The following MCM3AP variants were observed in gnomAD, a reference collection of about 807,000 sequenced individuals.
MCM3AP encodes germinal-center associated nuclear protein.
Under a neutral mutation model 184.1 loss-of-function variants are expected in MCM3AP, and 126 were observed. The observed-to-expected ratio is 0.68, with a 90% CI of 0.59 to 0.79. The LOEUF (loss-of-function observed/expected upper bound fraction) is 0.79. Ranked by LOEUF, MCM3AP falls within the 30% of genes least tolerant of loss-of-function variation. The probability of loss-of-function intolerance (pLI) is 0.00; values close to 1 mark genes in which losing one functional copy is unlikely to be tolerated. For missense variants in MCM3AP, 2,496 were observed against 2,479.2 expected (o/e 1.01, Z -0.14); for synonymous variants, 1,002 against 979.3 (o/e 1.02, Z -0.43).
At chr21:46,266,886 T>C in intron 10 of MCM3AP, 96 bp downstream of exon 10, 2 of 1,366,662 alleles carry the variant, frequency 1.5e-6, no homozygotes, top group Admixed American at 4.3e-5. Context: ...TGCACCTTCT[T>C]CAAGTCAGGC....
intron 6 of MCM3AP, among the ~76,000 whole-genome samples, chr21:46,274,644 GAA>G (rs978519795): frequency 2.0e-4 from 30 of 152,150 alleles, no homozygotes; most frequent in Non-Finnish European, 7.4e-5. Flanking sequence ...ATCGTAAAAA[GAA>G]AAAAGTTAGC....
At chr21:46,274,700 C>T (rs941291599) in intron 6 of MCM3AP, among the ~76,000 whole-genome samples, 2 of 151,934 alleles carry the variant, frequency 1.3e-5, no homozygotes, top group Admixed American at 6.6e-5. Context: ...CTTTGGGAGG[C>T]GGAGGTGGGC....
chr21:46,277,464 C>G, intron 5 of MCM3AP, 63 bp downstream of exon 5: 1 of 1,372,572 alleles, frequency 7.3e-7, no homozygotes, highest in East Asian at 2.5e-5. Context: ...TGCTCCTGCC[C>G]TGATGGCACC....
In MCM3AP at chr21:46,246,901, AG is replaced by A; in HGVS notation, c.4291-16del. On this transcript the variant is annotated splice_polypyrimidine_tract_variant and intron_variant, in intron 20 of 27. Coordinates refer to ENST00000291688, the MANE Select transcript of MCM3AP (RefSeq NM_003906.5). ...CCATGGGCCACCTGCAACAGCATCA[AG>A]ATCATCAGGAGAGATGCACCATGGG... 1 of 1,612,596 alleles carries A rather than the reference AG, an allele frequency of 6.2e-7. No homozygotes were observed. Among genetic ancestry groups the A allele is most frequent in the Non-Finnish European group, 8.5e-7 (1 of 1,178,832 alleles).
chr21:46,259,373 G>A (rs186880345), intron 15 of MCM3AP: 10 of 239,328 alleles, frequency 4.2e-5, no homozygotes, highest in Admixed American at 5.6e-5. Flanking sequence ...GGAGAATGAC[G>A]TGAAGCCGGG....
chr21:46,277,636 C>T lies in MCM3AP; in HGVS notation c.1749G>A (p.Glu583=). ...GGGAGAGCACACATGGCCCGAGGCC[C>T]TCGGAGCCCTCGGAGGCTGAGTCAA... The part of the protein sequence containing the change: ...DSFDSASEGS[E]GLGPCVLSLS... The change falls in exon 5 of 28, where the codon GAG becomes GAA. Residue 583 remains glutamate (E), a synonymous_variant. Coordinates refer to ENST00000291688, the MANE Select transcript of MCM3AP (RefSeq NM_003906.5). 2 of 1,611,770 alleles carry T rather than the reference C, an allele frequency of 1.2e-6. No individual in the cohort carries two copies. Among genetic ancestry groups the T allele is most frequent in the South Asian group, 2.2e-5 (2 of 90,704 alleles).
intron 23 of MCM3AP, chr21:46,244,464 G>C: frequency 3.1e-6 from 1 of 319,644 alleles, no homozygotes; most frequent in Non-Finnish European, 5.8e-6. Flanking sequence ...CCCCTTGTCT[G>C]TTCTGAAAAC....
At chr21:46,276,241 A>G (rs1049409082) in intron 5 of MCM3AP, among the ~76,000 whole-genome samples, 6 of 151,986 alleles carry the variant, frequency 3.9e-5, no homozygotes, top group Non-Finnish European at 5.9e-5. Context: ...ACCATGGGTA[A>G]CAGAGCAAGA....
At chr21:46,273,010 A>C (rs1313507508) in intron 7 of MCM3AP, among the ~76,000 whole-genome samples, 181 bp from the exon 8 acceptor site, 4 of 149,626 alleles carry the variant, frequency 2.7e-5, no homozygotes, top group Non-Finnish European at 5.9e-5. Flanking sequence ...TTTTTTTTTG[A>C]GACAGAAGCC....
intron 21 of MCM3AP, 106 bp downstream of exon 21, chr21:46,246,522 G>T: frequency 6.7e-7 from 1 of 1,499,638 alleles, no homozygotes; most frequent in Non-Finnish European, 9.3e-7. Flanking sequence ...AGGGGTTGCT[G>T]TCTCAGTGAT....
At chr21:46,244,051 A>T (rs2080722415) in intron 23 of MCM3AP, among the ~76,000 whole-genome samples, 2 of 152,214 alleles carry the variant, frequency 1.3e-5, no homozygotes, top group Admixed American at 6.5e-5. Context: ...GGGGAACCCC[A>T]ACCTAACCAG....
intron 24 of MCM3AP, 168 bp from the exon 25 acceptor site, chr21:46,243,099 GTCACACAATTAT>G: frequency 1.5e-6 from 1 of 650,692 alleles, no homozygotes; most frequent in Non-Finnish European, 2.6e-6. Flanking sequence ...TTTGATTAAA[GTCACACAATTAT>G]GTGACTTCCA....
Position 46,285,267 on chromosome 21 carries a change from A to T in MCM3AP, c.20T>A (p.Phe7Tyr), listed in dbSNP as rs769482574. The change falls in exon 1 of 28, where the codon TTC becomes TAC. Residue 7 changes from phenylalanine (F) to tyrosine (Y), a missense_variant. Phe to Tyr is a conservative substitution (Grantham distance 22, BLOSUM62 3). Transcript: ENST00000291688. ...AAAAGCACTAGGCTGCTGCCCACTG[A>T]AAGGATTAGTTGGGTTCATCTTCTG... MNPTNP[F>Y]SGQQPSAFSA... The T allele has an allele frequency of 2.8e-5, 45 of 1,613,570 alleles. 1 individual carries two copies. In the South Asian group the frequency reaches 4.7e-4, roughly 17 times the overall value.
intron 6 of MCM3AP, among the ~76,000 whole-genome samples, chr21:46,274,938 C>CAAAAA (rs35282554): frequency 9.3e-5 from 9 of 96,994 alleles, no homozygotes; most frequent in African/African-American, 2.6e-4. Flanking sequence ...GACCCTGTCT[C>CAAAAA]AAAAAAAAAA....
chr21:46,257,454 GT>G (rs367605097), intron 16 of MCM3AP, among the ~76,000 whole-genome samples: 134,987 of 135,014 alleles, frequency 1, 67,484 homozygotes, highest in Middle Eastern at 1. Flanking sequence ...CAGGCTGTGT[GT>G]ACCAGCAAGG....
chr21:46,272,821 C>G lies in MCM3AP; in HGVS notation c.2205G>C (p.Thr735=). ...TCAGGGGGTCACAGAGGTGCTGCTGCGTGATATCCTGGCCACAGGCGAGGG... is the reference window on the plus strand; with the variant it reads ...TCAGGGGGTCACAGAGGTGCTGCTGGGTGATATCCTGGCCACAGGCGAGGG... ...NRTRGIRKDI[T]QQHLCDPLTV... The change falls in exon 8 of 28, where the codon ACG becomes ACC. Residue 735 remains threonine (T), a synonymous_variant. Transcript: ENST00000291688. 6.3e-7 allele frequency: 1 copy of G among 1,588,592 alleles called. No homozygotes were observed. Among genetic ancestry groups the G allele is most frequent in the Non-Finnish European group, 8.6e-7 (1 of 1,165,934 alleles).
intron 17 of MCM3AP, 94 bp from the exon 18 acceptor site, chr21:46,254,938 C>A: frequency 1.1e-6 from 1 of 873,906 alleles, no homozygotes; most frequent in Non-Finnish European, 1.9e-6. Context: ...GACTGAAAAA[C>A]ACATTTTCTG....
intron 26 of MCM3AP, among the ~76,000 whole-genome samples, chr21:46,239,686 G>A (rs541036023): frequency 6.6e-6 from 1 of 152,210 alleles, no homozygotes; most frequent in Non-Finnish European, 1.5e-5. Context: ...TCAGAGGTTT[G>A]AGATACAAAT....
intron 13 of MCM3AP, among the ~76,000 whole-genome samples, chr21:46,263,627 T>TA (rs968031414): frequency 1.3e-5 from 2 of 148,574 alleles, no homozygotes; most frequent in East Asian, 2.0e-4. Flanking sequence ...CCACAAAAAA[T>TA]AAAAAAATTA....
Sources: gnomAD v4.1 joint callset for allele counts (sites outside exome capture counted in the v4.1 genomes callset) on GRCh38, gnomAD v4.1.1 for gene constraint, MANE v1.5 for transcripts, NCBI Gene and HGNC (gene_info 2026-07-23, HGNC 2026-07-21) for gene names.